ABCC1: variants seen among roughly 807,000 people sequenced by gnomAD.
ABCC1 encodes ATP binding cassette subfamily C member 1 (ABCC1 blood group).
A neutral mutation model predicts 172.9 loss-of-function variants in ABCC1; 83 were observed. The observed-to-expected ratio is 0.48, with a 90% CI of 0.40 to 0.58. ABCC1 has a LOEUF of 0.58. ABCC1 is among the 20% of genes least tolerant of loss of function. ABCC1 has a pLI of 0.00. For missense variants in ABCC1, 1,817 were observed against 2,002.7 expected, an observed-to-expected ratio of 0.91 and a Z score of 1.77; for synonymous variants, 937 against 825.2, an observed-to-expected ratio of 1.14 and a Z score of -2.32.
At chr16:16,023,290 G>C (rs538862192) in intron 5 of ABCC1, among the ~76,000 whole-genome samples, 1 of 152,236 alleles carries the variant, frequency 6.6e-6, no homozygotes, top group South Asian at 2.1e-4. Flanking sequence ...TCATTAGCTA[G>C]AGTTTAAGAT....
At chr16:16,042,820 G>T (rs557666735) in intron 7 of ABCC1, among the ~76,000 whole-genome samples, 1 of 152,076 alleles carries the variant, frequency 6.6e-6, no homozygotes, top group Non-Finnish European at 1.5e-5. Context: ...CTGATTTTTA[G>T]TGTGTTCACA....
intron 1 of ABCC1, among the ~76,000 whole-genome samples, chr16:15,956,187 A>G (rs1235556843): frequency 6.6e-6 from 1 of 152,142 alleles, no homozygotes; most frequent in Non-Finnish European, 1.5e-5. Context: ...CAGCCTGGCC[A>G]ACATGGTAAA....
intron 1 of ABCC1, among the ~76,000 whole-genome samples, chr16:15,975,803 G>A (rs368691130): frequency 2.0e-5 from 3 of 151,850 alleles, no homozygotes; most frequent in East Asian, 3.9e-4. Flanking sequence ...TGATCTGCCC[G>A]CCTCAGCCTC....
chr16:15,974,548 C>G (rs1035560307), intron 1 of ABCC1, among the ~76,000 whole-genome samples: 1 of 152,116 alleles, frequency 6.6e-6, no homozygotes, highest in African/African-American at 2.4e-5. Flanking sequence ...CTCACCATCC[C>G]TTAATCATTC....
chr16:16,104,759 T>G (rs1406736217), intron 20 of ABCC1, among the ~76,000 whole-genome samples: 1 of 152,108 alleles, frequency 6.6e-6, no homozygotes, highest in Non-Finnish European at 1.5e-5. Context: ...CAGGAGCCCA[T>G]AGCGGGGAGG....
intron 1 of ABCC1, among the ~76,000 whole-genome samples, chr16:15,977,906 C>T (rs535544248): frequency 6.6e-6 from 1 of 152,286 alleles, no homozygotes; most frequent in East Asian, 1.9e-4. Flanking sequence ...GTGAGCTAAC[C>T]TGCCTGTGTT....
chr16:16,113,402 C>G (rs747812744), intron 22 of ABCC1, among the ~76,000 whole-genome samples: 7 of 152,130 alleles, frequency 4.6e-5, no homozygotes, highest in Non-Finnish European at 7.4e-5. Context: ...ACGCCTGTAA[C>G]CCCAACACTT....
intron 1 of ABCC1, among the ~76,000 whole-genome samples, chr16:15,997,988 T>G (rs911391929): frequency 2.6e-5 from 4 of 151,622 alleles, no homozygotes; most frequent in Admixed American, 2.0e-4. Flanking sequence ...TAATGTATTT[T>G]TTTTTTCTTT....
chr16:16,028,549 A>T (rs116726808), intron 5 of ABCC1, among the ~76,000 whole-genome samples: 32 of 152,172 alleles, frequency 2.1e-4, no homozygotes, highest in African/African-American at 7.5e-4. Context: ...ATTCCCTGAT[A>T]ACCCACCCGC....
intron 13 of ABCC1, among the ~76,000 whole-genome samples, chr16:16,069,006 A>C (rs1392141046): frequency 2.0e-5 from 3 of 148,678 alleles, no homozygotes; most frequent in Non-Finnish European, 4.5e-5. Context: ...AAAAAAAAAA[A>C]AGAAAAACCC....
chr16:15,949,769 C>G lies in ABCC1; in HGVS notation c.18C>G (p.Phe6Leu). MALRG[F>L]CSADGSDPLW... Reference sequence around the variant, plus strand: ...CCACCGGCATGGCGCTCCGGGGCTTCTGCAGCGCCGATGGCTCCGACCCGC... The same window carrying G: ...CCACCGGCATGGCGCTCCGGGGCTTGTGCAGCGCCGATGGCTCCGACCCGC... The change falls in exon 1 of 31, where the codon TTC (phenylalanine) becomes TTG (leucine). Residue 6 changes from phenylalanine to leucine, a missense_variant. Phe to Leu is a conservative substitution (Grantham distance 22, BLOSUM62 0). Around this residue, in one of 3 missense-constraint regions of ABCC1, gnomAD observed 398 missense variants for 384.2 expected, o/e 1.04. Transcript: ENST00000399410. The G allele has an allele frequency of 8.4e-7, 1 of 1,193,478 alleles. No homozygotes were observed. The highest frequency in any genetic ancestry group is 1.0e-6 in the Non-Finnish European group (1 of 963,150). 73.9% of individuals were successfully genotyped at this position (1,193,478 alleles called of 1,614,324 possible). A position where few individuals can be genotyped will look rare whatever the true frequency, so the allele number is the denominator to read the frequency against.
chr16:16,071,783 C>G (rs1050611854), intron 14 of ABCC1, 54 bp downstream of exon 14: 4 of 1,475,080 alleles, frequency 2.7e-6, no homozygotes, highest in Non-Finnish European at 2.8e-6. Flanking sequence ...CCATCTCCCA[C>G]TGGGTCCTCC....
intron 22 of ABCC1, 109 bp from the exon 23 acceptor site, chr16:16,114,657 A>ATTG (rs201105512): frequency 0.052 from 51,782 of 990,682 alleles, 1,659 homozygotes; most frequent in Non-Finnish European, 0.061. Context: ...TATTATTATT[A>ATTG]TTAGAAGTTG....
At chr16:15,989,104 T>C (rs1342967117) in intron 1 of ABCC1, among the ~76,000 whole-genome samples, 2 of 150,634 alleles carry the variant, frequency 1.3e-5, no homozygotes, top group Admixed American at 1.3e-4. Context: ...TAGTTTTGCA[T>C]GTAACTGTGT....
At chr16:16,056,855 C>T (rs2049678509) in intron 12 of ABCC1, among the ~76,000 whole-genome samples, 1 of 152,098 alleles carries the variant, frequency 6.6e-6, no homozygotes. Context: ...AAACCAGTGC[C>T]CCCTGCTTCC....
Position 16,136,467 on chromosome 16 carries a change from T to C in ABCC1, c.4126-11T>C, listed in dbSNP as rs938788522. 1.3e-5 allele frequency: 21 copies of C among 1,613,714 alleles called. No homozygotes were observed. Among genetic ancestry groups the C allele is most frequent in the Non-Finnish European group, 1.6e-5 (19 of 1,179,830 alleles). ...GTGTCACATGCCGTCCACTCTCTTC[T>C]CTCTGAACAGGACCCTGTTTTGTTT... On this transcript the variant is annotated splice_polypyrimidine_tract_variant and intron_variant, in intron 28 of 30. Coordinates refer to ENST00000399410, the MANE Select transcript of ABCC1 (RefSeq NM_004996.4).
intron 1 of ABCC1, among the ~76,000 whole-genome samples, chr16:15,967,075 A>G (rs1188893026): frequency 6.6e-6 from 1 of 152,126 alleles, no homozygotes; most frequent in Non-Finnish European, 1.5e-5. Context: ...TACTTGGGAC[A>G]AAGCTGGCCT....
At chr16:15,966,813 G>A (rs1330035600) in intron 1 of ABCC1, among the ~76,000 whole-genome samples, 1 of 151,756 alleles carries the variant, frequency 6.6e-6, no homozygotes, top group African/African-American at 2.4e-5. Context: ...AACATGCCCA[G>A]CTAATTTTTA....
At chr16:15,993,740 C>T (rs1377768686) in intron 1 of ABCC1, among the ~76,000 whole-genome samples, 2 of 115,542 alleles carry the variant, frequency 1.7e-5, no homozygotes, top group East Asian at 6.0e-4. Flanking sequence ...CTACCCTGCA[C>T]TGCTCACATG....
Sources: allele counts gnomAD v4.1 joint callset (sites outside exome capture counted in the v4.1 genomes callset), GRCh38; gene constraint gnomAD v4.1.1; regional missense constraint gnomAD v4.1.1; transcripts MANE v1.5; gene names NCBI Gene and HGNC (gene_info 2026-07-23, HGNC 2026-07-21).